The following TENM4 variants were observed in gnomAD, a reference collection of about 807,000 sequenced individuals.
The protein encoded by TENM4 is teneurin transmembrane protein 4.
TENM4 carries 82 observed loss-of-function variants against 243.3 expected under a neutral mutation model. The observed-to-expected ratio is 0.34, with a 90% CI of 0.28 to 0.40. The LOEUF is 0.40. TENM4 is among the 10% of genes least tolerant of loss of function. The pLI is 1.00. For missense variants in TENM4, 3,138 were observed against 3,673.3 expected, an observed-to-expected ratio of 0.85 and a Z score of 3.77; for synonymous variants, 1,412 against 1,456.3, an observed-to-expected ratio of 0.97 and a Z score of 0.69.
At chr11:79,206,966 G>A (rs914873159) in intron 3 of TENM4, among the ~76,000 whole-genome samples, 2 of 152,148 alleles carry the variant, frequency 1.3e-5, no homozygotes, top group African/African-American at 4.8e-5. Context: ...AACATTTACT[G>A]GGGGCCTTCG....
At chr11:79,084,381 G>A (rs1462291082) in intron 4 of TENM4, among the ~76,000 whole-genome samples, 1 of 152,104 alleles carries the variant, frequency 6.6e-6, no homozygotes, top group African/African-American at 2.4e-5. Context: ...TTATCCCTCA[G>A]AAATAAAAGC....
intron 4 of TENM4, among the ~76,000 whole-genome samples, chr11:79,078,519 A>G (rs761109790): frequency 1.3e-5 from 2 of 152,110 alleles, no homozygotes; most frequent in African/African-American, 4.8e-5. Context: ...CCAGAGAAGG[A>G]GGCACTCCTA....
chr11:78,917,184 A>G (rs980515173), intron 6 of TENM4, among the ~76,000 whole-genome samples: 2 of 152,216 alleles, frequency 1.3e-5, no homozygotes, highest in Admixed American at 1.3e-4. Flanking sequence ...AGGTAAGAAA[A>G]TGGAGACTTT....
chr11:79,103,415 G>T (rs1861282861), intron 4 of TENM4, among the ~76,000 whole-genome samples: 1 of 152,200 alleles, frequency 6.6e-6, no homozygotes, highest in Non-Finnish European at 1.5e-5. Flanking sequence ...GTGCTCTGGG[G>T]TGCATAGAGG....
chr11:78,684,397 T>C (rs1466977205), intron 29 of TENM4, among the ~76,000 whole-genome samples: 2 of 152,260 alleles, frequency 1.3e-5, no homozygotes, highest in Non-Finnish European at 2.9e-5. Context: ...AGCTGAGAAC[T>C]GTACTTGGCA....
chr11:78,940,758 A>G (rs1428443869), intron 6 of TENM4, among the ~76,000 whole-genome samples: 2 of 152,190 alleles, frequency 1.3e-5, no homozygotes, highest in African/African-American at 4.8e-5. Flanking sequence ...TGGGGATGCC[A>G]TGGTGACAGA....
chr11:79,208,845 G>T (rs1035431295), intron 3 of TENM4, among the ~76,000 whole-genome samples: 1 of 152,188 alleles, frequency 6.6e-6, no homozygotes, highest in East Asian at 1.9e-4. Flanking sequence ...AAAGGTTTAT[G>T]TGCTTCTCAT....
At chr11:78,978,210 GGGGGCTAGGGGA>G (rs563509910) in intron 6 of TENM4, among the ~76,000 whole-genome samples, 142 of 151,898 alleles carry the variant, frequency 9.3e-4, no homozygotes, top group Non-Finnish European at 1.8e-3. Context: ...TTGGCGGATG[GGGGGCTAGGGGA>G]GGGATAGCAT....
At chr11:79,206,106 T>C (rs1316512612) in intron 3 of TENM4, among the ~76,000 whole-genome samples, 3 of 152,228 alleles carry the variant, frequency 2.0e-5, no homozygotes, top group African/African-American at 7.2e-5. Flanking sequence ...ACCTCCCCTA[T>C]GGTAGAGCTC....
intron 1 of TENM4, among the ~76,000 whole-genome samples, chr11:79,321,353 G>A (rs535717191): frequency 5.9e-5 from 9 of 152,084 alleles, no homozygotes; most frequent in African/African-American, 1.2e-4. Context: ...AGCCTCAAAC[G>A]CTTCCCAAAT....
chr11:78,846,095 G>T (rs1430779852), intron 12 of TENM4, among the ~76,000 whole-genome samples: 3 of 152,156 alleles, frequency 2.0e-5, no homozygotes, highest in African/African-American at 7.2e-5. Flanking sequence ...CTTGGATTTA[G>T]ACCTGGTCAC....
chr11:79,098,241 T>G (rs1301318148), intron 4 of TENM4, among the ~76,000 whole-genome samples: 1 of 113,804 alleles, frequency 8.8e-6, no homozygotes, highest in Admixed American at 1.1e-4. Context: ...ATCTCCCAGC[T>G]CAGTGAGAAT....
At chr11:79,295,137 A>G (rs1239853770) in intron 2 of TENM4, among the ~76,000 whole-genome samples, 2 of 152,198 alleles carry the variant, frequency 1.3e-5, no homozygotes, top group Non-Finnish European at 2.9e-5. Flanking sequence ...AGAGAGGAAC[A>G]AAAACGCACA....
chr11:79,303,842 A>T (rs1856586019), intron 1 of TENM4, among the ~76,000 whole-genome samples: 1 of 152,212 alleles, frequency 6.6e-6, no homozygotes, highest in South Asian at 2.1e-4. Flanking sequence ...CCGGGCAGCT[A>T]GGGTGATTGG....
chr11:78,881,038 G>A (rs1855420486), intron 9 of TENM4, among the ~76,000 whole-genome samples: 1 of 152,222 alleles, frequency 6.6e-6, no homozygotes, highest in Admixed American at 6.5e-5. Flanking sequence ...CACTTAAAAT[G>A]TGTTAATTTT....
chr11:79,249,050 T>C (rs182423875), intron 2 of TENM4, among the ~76,000 whole-genome samples: 1 of 152,366 alleles, frequency 6.6e-6, no homozygotes, highest in East Asian at 1.9e-4. Context: ...TGGTCTTCAA[T>C]TTTTATTTAG....
chr11:78,950,516 G>A (rs186687505), intron 6 of TENM4, among the ~76,000 whole-genome samples: 1 of 152,306 alleles, frequency 6.6e-6, no homozygotes, highest in Admixed American at 6.5e-5. Context: ...AGAAAAGATT[G>A]TGAAGAGCCA....
chr11:79,046,789 C>A (rs1234767207), intron 6 of TENM4, among the ~76,000 whole-genome samples: 2 of 152,160 alleles, frequency 1.3e-5, no homozygotes. Flanking sequence ...GTCTATACCA[C>A]CCAGAACCAC....
rs187720302 is a variant in TENM4 at position 78,815,966 on chromosome 11, G to A, written c.1682-1571C>T. Among the ~76,000 whole-genome samples the A allele has an allele frequency of 3.9e-5, 6 of 152,340 alleles. No homozygotes were observed. In the East Asian group the frequency reaches 1.2e-3, roughly 29 times the overall value. ...TCTTGAAGGAACTTATTCCACAGCA[G>A]AATCTGGGGAAATGAGCAAGGCAGA... is the stretch of plus-strand genomic sequence containing the variant. On this transcript the variant is annotated intron_variant, in intron 12 of 33. Transcript: ENST00000278550.
Sources: gnomAD v4.1 joint callset for allele counts (sites outside exome capture counted in the v4.1 genomes callset) on GRCh38, gnomAD v4.1.1 for gene constraint, MANE v1.5 for transcripts, NCBI Gene and HGNC (gene_info 2026-07-23, HGNC 2026-07-21) for gene names.